Variants in ARHGAP17 observed in about 807,000 individuals in gnomAD.
The protein encoded by ARHGAP17 is Rho GTPase activating protein 17.
In ARHGAP17, 57 loss-of-function variants were observed where a neutral mutation model predicts 99.5. That is an observed-to-expected ratio of 0.57 (90% confidence interval 0.46 to 0.71). ARHGAP17 has a LOEUF of 0.71. Ranked by LOEUF, ARHGAP17 falls within the 30% of genes least tolerant of loss-of-function variation. ARHGAP17 has a pLI of 0.00. For synonymous variants in ARHGAP17, 417 were observed against 429.6 expected, an observed-to-expected ratio of 0.97 and a Z score of 0.36; for missense variants, 1,000 against 1,122.4, an observed-to-expected ratio of 0.89 and a Z score of 1.56.
In ARHGAP17 at chr16:24,977,324, C is replaced by T; in HGVS notation, c.94-5G>A. 2 of 1,575,810 alleles carry T rather than the reference C, an allele frequency of 1.3e-6. No individual in the cohort carries two copies. Among genetic ancestry groups the T allele is most frequent in the Admixed American group, 1.7e-5 (1 of 57,828 alleles). ...CGTGTCCAGGCGTCTCTCAATCTGA[C>T]AAGGCAGAGACAAAAGAGAACAAAT... is the stretch of plus-strand genomic sequence containing the variant. On this transcript the variant is annotated splice_polypyrimidine_tract_variant and splice_region_variant and intron_variant, in intron 2 of 19. Transcript: ENST00000289968.
At chr16:25,004,045 T>C (rs142582831) in intron 1 of ARHGAP17, among the ~76,000 whole-genome samples, 2 of 152,180 alleles carry the variant, frequency 1.3e-5, no homozygotes, top group East Asian at 3.9e-4. Context: ...AAAAAAATAT[T>C]AAGTTAAAGG....
chr16:25,001,300 T>C (rs2053354183), intron 1 of ARHGAP17, among the ~76,000 whole-genome samples: 1 of 152,220 alleles, frequency 6.6e-6, no homozygotes. Context: ...TAAAAGATTG[T>C]ACACACAAAG....
chr16:24,950,856 A>AAAAAAAAAAAAAAAAAAG, intron 12 of ARHGAP17, among the ~76,000 whole-genome samples: 1 of 150,760 alleles, frequency 6.6e-6, no homozygotes, highest in African/African-American at 2.5e-5. Context: ...AAAAAAAAAA[A>AAAAAAAAAAAAAAAAAAG]AAGAAAAAAG....
intron 1 of ARHGAP17, among the ~76,000 whole-genome samples, chr16:24,991,361 C>T (rs1386483926): frequency 2.0e-5 from 3 of 152,162 alleles, no homozygotes; most frequent in Non-Finnish European, 2.9e-5. Context: ...AGAATTACAA[C>T]AAATAATAAC....
intron 9 of ARHGAP17, chr16:24,956,822 G>C (rs766724258): frequency 1.4e-4 from 21 of 152,208 alleles, no homozygotes; most frequent in African/African-American, 5.1e-4. Context: ...GGCTGTTTGC[G>C]ACTTCTGGTG....
chr16:24,994,066 G>A lies in ARHGAP17; in HGVS notation c.54-15061C>T, dbSNP rs188731522. ...CTCTGGAATTCTACAATAAACACAC[G>A]TCACAGATGTGGCCCAGGAAGTTCC... On this transcript the variant is annotated intron_variant, in intron 1 of 19. Coordinates refer to ENST00000289968, the MANE Select transcript of ARHGAP17 (RefSeq NM_001006634.3). Among the ~76,000 whole-genome samples the A allele has an allele frequency of 2.4e-3, 367 of 152,216 alleles. 1 individual carries two copies. Among genetic ancestry groups the A allele is most frequent in the African/African-American group, 8.5e-3 (351 of 41,526 alleles).
chr16:24,935,726 CAG>C (rs755312765), intron 17 of ARHGAP17, 87 bp from the exon 18 acceptor site: 42 of 1,414,970 alleles, frequency 3.0e-5, no homozygotes, highest in Non-Finnish European at 3.9e-5. Flanking sequence ...AGATTCCAAG[CAG>C]AGTTTTCACT....
At chr16:24,923,212 C>T (rs74015783) in intron 19 of ARHGAP17, among the ~76,000 whole-genome samples, 5,124 of 152,244 alleles carry the variant, frequency 0.034, 267 homozygotes, top group African/African-American at 0.11. Flanking sequence ...TTCCCTCCTC[C>T]CCAGAGGAGT....
intron 18 of ARHGAP17, among the ~76,000 whole-genome samples, chr16:24,931,684 G>A (rs754887299): frequency 6.6e-6 from 1 of 152,192 alleles, no homozygotes; most frequent in African/African-American, 2.4e-5. Context: ...GAAAGACGGA[G>A]AACATGTCAC....
At chr16:24,975,212 G>A (rs1407268333) in intron 3 of ARHGAP17, among the ~76,000 whole-genome samples, 1 of 152,154 alleles carries the variant, frequency 6.6e-6, no homozygotes, top group African/African-American at 2.4e-5. Flanking sequence ...TGCATAAAAG[G>A]GTGGATGGAA....
intron 6 of ARHGAP17, 61 bp from the exon 7 acceptor site, chr16:24,964,369 G>A (rs2052107518): frequency 5.2e-6 from 6 of 1,157,774 alleles, no homozygotes; most frequent in East Asian, 2.4e-5. Context: ...ACAGCTGGAG[G>A]CAGGACCTGG....
At chr16:24,979,208 G>C (rs952037284) in intron 1 of ARHGAP17, among the ~76,000 whole-genome samples, 1 of 152,156 alleles carries the variant, frequency 6.6e-6, no homozygotes, top group Non-Finnish European at 1.5e-5. Flanking sequence ...ACTTTGTGGG[G>C]AATAGCAGCC....
rs17624477 is a variant in ARHGAP17 at position 24,943,862 on chromosome 16, T to C, written c.1242A>G (p.Gly414=). 0.064 allele frequency: 102,751 copies of C among 1,613,600 alleles called. 3,703 individuals carry two copies. Among genetic ancestry groups the C allele is most frequent in the Middle Eastern group, 0.11 (684 of 6,058 alleles). Residue 414 remains glycine, a splice_region_variant and synonymous_variant, in exon 15 of 20, where the codon GGA becomes GGG. Coordinates refer to ENST00000289968, the MANE Select transcript of ARHGAP17 (RefSeq NM_001006634.3). The part of the protein sequence containing the change: ...GPNLLWARNE[G]TLAEMAAATS... ...TGGCTGCTGCCATTTCAGCAAGTGT[T>C]CTGCAAAGCAAGTTCACAAAATTAA...
Position 24,947,534 on chromosome 16 carries a change from T to C in ARHGAP17, c.1189A>G (p.Ser397Gly). 2 of 1,613,740 alleles carry C rather than the reference T, an allele frequency of 1.2e-6. No homozygotes were observed. Among genetic ancestry groups the C allele is most frequent in the Non-Finnish European group, 1.7e-6 (2 of 1,180,004 alleles). ...QTSDVNKMTP[S>G]NIAIVLGPNL... is the part of the protein sequence containing the mutation. ...GGGCCTAACACAATCGCAATGTTGC[T>C]GGGAGTCATTTTATTCACATCGCTG... The change falls in exon 14 of 20, where the codon AGC becomes GGC. Residue 397 changes from serine (S) to glycine (G), a missense_variant. Coordinates refer to ENST00000289968, the MANE Select transcript of ARHGAP17 (RefSeq NM_001006634.3).
At chr16:24,967,107 C>T (rs1051552358) in intron 6 of ARHGAP17, among the ~76,000 whole-genome samples, 3 of 152,192 alleles carry the variant, frequency 2.0e-5, no homozygotes, top group Admixed American at 6.5e-5. Context: ...GAAAGTAGCT[C>T]GATCTCTGGC....
rs144714067 is a variant in ARHGAP17, at chr16:24,982,965, CAT to C, written c.54-3962_54-3961del. Among the ~76,000 whole-genome samples the C allele has an allele frequency of 6.4e-3, 211 of 32,738 alleles. 1 individual carries two copies. The highest frequency in any genetic ancestry group is 8.0e-3 in the Non-Finnish European group (146 of 18,336). 21.5% of individuals were successfully genotyped at this position (32,738 alleles called of 152,430 possible). On this transcript the variant is annotated intron_variant, in intron 1 of 19. Coordinates refer to ENST00000289968, the MANE Select transcript of ARHGAP17 (RefSeq NM_001006634.3). ...TCATAAAAAATAATACTTGATAAAT[CAT>C]ATATATATATATATATATATATATA...
intron 1 of ARHGAP17, among the ~76,000 whole-genome samples, chr16:24,981,780 CA>C (rs759089298): frequency 6.6e-6 from 1 of 151,948 alleles, no homozygotes; most frequent in Non-Finnish European, 1.5e-5. Context: ...TTGATATGGC[CA>C]GGGGTGAAGT....
intron 17 of ARHGAP17, among the ~76,000 whole-genome samples, chr16:24,937,084 T>C (rs2051160603): frequency 6.8e-6 from 1 of 146,826 alleles, no homozygotes; most frequent in Non-Finnish European, 1.5e-5. Flanking sequence ...ACCACTGCCC[T>C]CCAGCGTGGG....
chr16:24,968,629 G>A (rs372700918), intron 5 of ARHGAP17, 32 bp downstream of exon 5: 48 of 1,608,438 alleles, frequency 3.0e-5, no homozygotes, highest in South Asian at 9.9e-5. Context: ...CACCACTCTC[G>A]GCTCTTCCGT....
Sources: gnomAD v4.1 joint callset for allele counts (sites outside exome capture counted in the v4.1 genomes callset) on GRCh38, gnomAD v4.1.1 for gene constraint, MANE v1.5 for transcripts, NCBI Gene and HGNC (gene_info 2026-07-23, HGNC 2026-07-21) for gene names.